RAD54B: variants seen among roughly 807,000 people sequenced by gnomAD.
RAD54B encodes DNA repair and recombination protein RAD54B.
RAD54B carries 78 observed loss-of-function variants against 95.8 expected under a neutral mutation model. The observed-to-expected ratio is 0.81, with a 90% CI of 0.68 to 0.98. The LOEUF (loss-of-function observed/expected upper bound fraction) is 0.98, where lower values mean the gene tolerates loss of function less well. Ranked by LOEUF, RAD54B falls within the 50% of genes least tolerant of loss-of-function variation. The pLI, the probability that RAD54B is intolerant of heterozygous loss-of-function variation, is 0.00. For missense variants in RAD54B, 957 were observed against 1,056.6 expected (o/e 0.91, Z 1.31); for synonymous variants, 328 against 354.9 (o/e 0.92, Z 0.85).
chr8:94,426,397 T>G (rs952180865), intron 3 of RAD54B, among the ~76,000 whole-genome samples: 1 of 152,136 alleles, frequency 6.6e-6, no homozygotes, highest in Non-Finnish European at 1.5e-5. Flanking sequence ...CATGAAAAAC[T>G]TGCACAAGAA....
chr8:94,454,277 G>C (rs545881498), intron 3 of RAD54B, among the ~76,000 whole-genome samples: 11 of 152,252 alleles, frequency 7.2e-5, no homozygotes, highest in Non-Finnish European at 1.2e-4. Context: ...AAAGAGAGGA[G>C]AGAAAGAGAG....
chr8:94,394,911 C>T (rs985237717), intron 8 of RAD54B, among the ~76,000 whole-genome samples: 1 of 152,168 alleles, frequency 6.6e-6, no homozygotes, highest in African/African-American at 2.4e-5. Context: ...TCCCCACCCC[C>T]AGGTTGGACC....
intron 2 of RAD54B, 131 bp downstream of exon 2, chr8:94,467,274 T>C (rs1381131800): frequency 4.9e-6 from 4 of 819,516 alleles, no homozygotes; most frequent in East Asian, 2.7e-5. Context: ...TTTCCAAGGT[T>C]TTTAGAAGAT....
chr8:94,471,089 C>T (rs1357776909), intron 1 of RAD54B, among the ~76,000 whole-genome samples: 2 of 152,108 alleles, frequency 1.3e-5, no homozygotes, highest in African/African-American at 4.8e-5. Context: ...GACTGGAGAC[C>T]TTCCTGTATA....
At chr8:94,411,059 T>C (rs2130038736) in intron 4 of RAD54B, 62 bp downstream of exon 4, 1 of 1,278,766 alleles carries the variant, frequency 7.8e-7, no homozygotes, top group Admixed American at 2.4e-5. Flanking sequence ...ATTTCAATTA[T>C]GTAACCGGAG....
chr8:94,445,549 CTTGA>C (rs1812502107), intron 3 of RAD54B, among the ~76,000 whole-genome samples: 1 of 152,092 alleles, frequency 6.6e-6, no homozygotes, highest in African/African-American at 2.4e-5. Context: ...CTTTAATTGT[CTTGA>C]TTTTTTTATT....
intron 3 of RAD54B, among the ~76,000 whole-genome samples, chr8:94,426,656 T>C (rs1203018553): frequency 1.3e-5 from 2 of 152,192 alleles, no homozygotes; most frequent in African/African-American, 4.8e-5. Flanking sequence ...GCAAAACTTA[T>C]CTATAATTTT....
At chr8:94,376,228 T>C (rs1199086571) in intron 14 of RAD54B, among the ~76,000 whole-genome samples, 1 of 152,156 alleles carries the variant, frequency 6.6e-6, no homozygotes, top group East Asian at 1.9e-4. Context: ...GTTCTATTTC[T>C]GACTACAGAG....
intron 3 of RAD54B, among the ~76,000 whole-genome samples, chr8:94,456,839 A>G (rs1271056550): frequency 6.6e-6 from 1 of 152,180 alleles, no homozygotes; most frequent in African/African-American, 2.4e-5. Flanking sequence ...TTTCTCACAA[A>G]GCTTTTTTCC....
At position 94,391,554 on chromosome 8, in the gene RAD54B, C is replaced by T. The variant is rs531503760; in HGVS notation, c.1809+55G>A. The T allele has an allele frequency of 3.9e-6, 6 of 1,529,624 alleles. No homozygotes were observed. The South Asian group carries it at 6.5e-5, about 17-fold the overall frequency. 94.8% of individuals were successfully genotyped at this position (1,529,624 alleles called of 1,614,324 possible). On this transcript the variant is annotated intron_variant, in intron 10 of 14. Coordinates refer to ENST00000336148, the MANE Select transcript of RAD54B (RefSeq NM_012415.3). The stretch of plus-strand genomic sequence containing the variant: ...TTAGCCCTGTCTGCCCTCTTAGATT[C>T]ATATACTATAGAACCCTCATATCCC...
chr8:94,418,909 T>A (rs868654109), intron 3 of RAD54B, among the ~76,000 whole-genome samples: 1 of 152,202 alleles, frequency 6.6e-6, no homozygotes, highest in African/African-American at 2.4e-5. Context: ...TTCATCTTTA[T>A]CAATTTAATT....
At chr8:94,402,038 G>T (rs943520719) in intron 6 of RAD54B, among the ~76,000 whole-genome samples, 1 of 152,062 alleles carries the variant, frequency 6.6e-6, no homozygotes, top group African/African-American at 2.4e-5. Context: ...CAAAAGATGA[G>T]GATACTTAAC....
intron 3 of RAD54B, among the ~76,000 whole-genome samples, chr8:94,413,468 C>T (rs1811578259): frequency 6.6e-6 from 1 of 152,104 alleles, no homozygotes; most frequent in South Asian, 2.1e-4. Context: ...GTCTTTTCAA[C>T]AAACATTGCT....
At chr8:94,415,931 G>T (rs1442756348) in intron 3 of RAD54B, among the ~76,000 whole-genome samples, 2 of 152,002 alleles carry the variant, frequency 1.3e-5, no homozygotes, top group Non-Finnish European at 2.9e-5. Flanking sequence ...CTGTAAACTA[G>T]TTCAACCATT....
intron 3 of RAD54B, among the ~76,000 whole-genome samples, chr8:94,413,891 A>C (rs919643050): frequency 1.4e-5 from 2 of 146,986 alleles, no homozygotes; most frequent in African/African-American, 5.1e-5. Flanking sequence ...GCTGGAATGC[A>C]GTGGTGTGAT....
At chr8:94,400,111 C>G in intron 7 of RAD54B, 127 bp downstream of exon 7, 1 of 820,868 alleles carries the variant, frequency 1.2e-6, no homozygotes. Context: ...AACTCAAAAC[C>G]AAAATGTAAG....
At chr8:94,419,413 CAGG>C (rs1811749975) in intron 3 of RAD54B, among the ~76,000 whole-genome samples, 1 of 152,092 alleles carries the variant, frequency 6.6e-6, no homozygotes, top group Non-Finnish European at 1.5e-5. Flanking sequence ...GAGGTTGAGG[CAGG>C]AGAATTGCTT....
In RAD54B at chr8:94,428,256, C is replaced by T. The variant is rs796969514; in HGVS notation, c.305-16941G>A. ...AGTCTACATTTAAAAAACAAAATCA[C>T]TCTTCTCTATGTTCTCCCAGCATTA... On this transcript the variant is annotated intron_variant, in intron 3 of 14. Coordinates refer to ENST00000336148, the MANE Select transcript of RAD54B (RefSeq NM_012415.3). The T allele has an allele frequency of 1.5e-5, 14 of 953,262 alleles. No homozygotes were observed. In the South Asian group the frequency reaches 5.3e-4, roughly 36 times the overall value. 59.1% of individuals were successfully genotyped at this position (953,262 alleles called of 1,614,324 possible). A position where few individuals can be genotyped will look rare whatever the true frequency, so the allele number is the denominator to read the frequency against.
At chr8:94,388,993 C>A (rs1810954283) in intron 10 of RAD54B, among the ~76,000 whole-genome samples, 1 of 152,188 alleles carries the variant, frequency 6.6e-6, no homozygotes, top group African/African-American at 2.4e-5. Context: ...ACCTATGAGA[C>A]CTGCCTATTT....
Sources: gnomAD v4.1 joint callset for allele counts (sites outside exome capture counted in the v4.1 genomes callset) on GRCh38, gnomAD v4.1.1 for gene constraint, MANE v1.5 for transcripts, NCBI Gene and HGNC (gene_info 2026-07-23, HGNC 2026-07-21) for gene names.